The following ART3 variants were observed in gnomAD, a reference collection of about 807,000 sequenced individuals.
ART3 encodes ADP-ribosyltransferase 3 (inactive), also known as ecto-ADP-ribosyltransferase 3.
A neutral mutation model predicts 48.5 loss-of-function variants in ART3; 49 were observed. The observed-to-expected ratio is 1.01, with a 90% CI of 0.80 to 1.28. The LOEUF (loss-of-function observed/expected upper bound fraction) is 1.28. Ranked by LOEUF, ART3 falls within the 50% of genes most tolerant of loss-of-function variation. ART3 has a pLI of 0.00. For synonymous variants in ART3, 145 were observed against 157.2 expected (o/e 0.92, Z 0.58); for missense variants, 438 against 454.3 (o/e 0.96, Z 0.33).
In ART3 at chr4:76,082,380, T is replaced by C. The variant is rs1722672107; in HGVS notation, c.626T>C (p.Val209Ala). 3 of 1,614,148 alleles carry C rather than the reference T, an allele frequency of 1.9e-6. No homozygotes were observed. The highest frequency in any genetic ancestry group is 1.3e-5 in the African/African-American group (1 of 75,036). ...TTATCCATCTACACATGCCTTGGAG[T>C]TGACATTGAAAATTTTCTTGATAAA... ...TVLSIYTCLG[V>A]DIENFLDKES... The change falls in exon 3 of 12, where the codon GTT becomes GCT. Residue 209 changes from valine (V) to alanine (A), a missense_variant. Transcript: ENST00000355810.
intron 3 of ART3, among the ~76,000 whole-genome samples, chr4:76,088,384 C>A (rs1724080628): frequency 6.6e-6 from 1 of 151,802 alleles, no homozygotes; most frequent in South Asian, 2.1e-4. Flanking sequence ...TGTTCCCTGG[C>A]TGGAAAGTAG....
chr4:76,067,873 G>C (rs1366915146), intron 1 of ART3, among the ~76,000 whole-genome samples: 1 of 152,150 alleles, frequency 6.6e-6, no homozygotes, highest in African/African-American at 2.4e-5. Context: ...CCTTCCCCGA[G>C]GTATCTGATC....
chr4:76,074,998 T>C (rs1720755940), intron 1 of ART3, among the ~76,000 whole-genome samples, 179 bp downstream of exon 1: 1 of 152,210 alleles, frequency 6.6e-6, no homozygotes, highest in Non-Finnish European at 1.5e-5. Flanking sequence ...TATTTTAGTA[T>C]TTTTAGTAAA....
intron 1 of ART3, among the ~76,000 whole-genome samples, chr4:76,039,051 C>T (rs560721217): frequency 7.4e-4 from 113 of 151,848 alleles, no homozygotes; most frequent in African/African-American, 2.3e-3. Context: ...AACAAGTTAC[C>T]TCAACTTTTT....
intron 1 of ART3, among the ~76,000 whole-genome samples, chr4:76,065,666 A>G (rs1208059867): frequency 6.6e-6 from 1 of 152,006 alleles, no homozygotes; most frequent in East Asian, 1.9e-4. Flanking sequence ...GTTGAGAATT[A>G]AAGCCTAGAG....
chr4:76,035,103 T>A, intron 1 of ART3: 1 of 1,612,446 alleles, frequency 6.2e-7, no homozygotes, highest in Non-Finnish European at 8.5e-7. Flanking sequence ...TGTCCTTTAT[T>A]TTCTTTCAGG....
At chr4:76,078,190 T>A (rs1483980650) in intron 2 of ART3, among the ~76,000 whole-genome samples, 1 of 152,178 alleles carries the variant, frequency 6.6e-6, no homozygotes, top group Non-Finnish European at 1.5e-5. Context: ...GTGGCATTTA[T>A]GAACTTTGTC....
chr4:76,075,538 G>A (rs144663829), intron 1 of ART3, among the ~76,000 whole-genome samples: 38 of 152,282 alleles, frequency 2.5e-4, no homozygotes, highest in Non-Finnish European at 4.7e-4. Context: ...TCCTGTGCAC[G>A]CTGAGGGGAG....
intron 1 of ART3, chr4:76,035,966 T>C: frequency 6.2e-7 from 1 of 1,614,034 alleles, no homozygotes; most frequent in Non-Finnish European, 8.5e-7. Context: ...GCCAAGGCTA[T>C]AGCCATGCCC....
intron 2 of ART3, among the ~76,000 whole-genome samples, chr4:76,079,280 T>C (rs1448658063): frequency 6.6e-6 from 1 of 152,094 alleles, no homozygotes; most frequent in Non-Finnish European, 1.5e-5. Context: ...GAGATGTTTG[T>C]TAAACTTAGT....
At position 76,022,850 on chromosome 4, in the gene ART3, G is replaced by A. The variant is rs748693711; in HGVS notation, c.-10+11530G>A. On this transcript the variant is annotated intron_variant, in intron 1 of 9. Transcript: ENST00000341029. ...AAAAGAGGAACAGCAGAGAAGGTTA[G>A]CACAGTGTTCATTTTAGGCATTTAA... 5.0e-6 allele frequency: 8 copies of A among 1,589,332 alleles called. No homozygotes were observed. In the East Asian group the frequency reaches 1.8e-4, roughly 36 times the overall value.
intron 1 of ART3, among the ~76,000 whole-genome samples, chr4:76,027,400 G>C (rs1418106936): frequency 1.3e-5 from 2 of 152,232 alleles, no homozygotes; most frequent in Non-Finnish European, 2.9e-5. Flanking sequence ...CCTCAGATGA[G>C]CCATAAAGTG....
At chr4:76,087,439 G>A (rs556288003) in intron 3 of ART3, among the ~76,000 whole-genome samples, 47 of 152,310 alleles carry the variant, frequency 3.1e-4, no homozygotes, top group African/African-American at 1.1e-3. Context: ...GTTTGAAACA[G>A]TGTGAAGAAC....
chr4:76,082,612 G>T (rs1022426888), intron 3 of ART3, 77 bp downstream of exon 3: 1 of 1,231,548 alleles, frequency 8.1e-7, no homozygotes, highest in African/African-American at 1.5e-5. Context: ...GTCAGTGAAA[G>T]GAGAGTGAGA....
chr4:76,078,373 T>C (rs1721605778), intron 2 of ART3, among the ~76,000 whole-genome samples: 1 of 152,148 alleles, frequency 6.6e-6, no homozygotes, highest in South Asian at 2.1e-4. Context: ...GTTTTCAGGG[T>C]CTGGTGTCTT....
chr4:76,052,553 A>G lies in ART3; in HGVS notation c.-9-23328A>G, dbSNP rs183711151. On this transcript the variant is annotated intron_variant, in intron 1 of 9. Transcript: ENST00000341029. The stretch of plus-strand genomic sequence containing the variant: ...TAGGGCTTTTAGTGTATCCATCACC[A>G]GAATAATGTACATGGTACCCATTAA... Among the ~76,000 whole-genome samples the G allele has an allele frequency of 8.5e-5, 13 of 152,248 alleles. No homozygotes were observed. In the East Asian group the frequency reaches 1.7e-3, roughly 20 times the overall value.
intron 11 of ART3, among the ~76,000 whole-genome samples, chr4:76,110,363 G>A (rs1400495167): frequency 6.6e-6 from 1 of 152,160 alleles, no homozygotes; most frequent in Non-Finnish European, 1.5e-5. Flanking sequence ...TACTGTGTAT[G>A]CTATTTTATT....
rs182624682 is a variant in ART3 at position 76,020,805 on chromosome 4, G to A, written c.-10+9485G>A. Among the ~76,000 whole-genome samples the A allele has an allele frequency of 1.6e-3, 236 of 152,200 alleles. 1 individual carries two copies. Among genetic ancestry groups the A allele is most frequent in the East Asian group, 3.5e-3 (18 of 5,186 alleles). On this transcript the variant is annotated intron_variant, in intron 1 of 9. Transcript: ENST00000341029. Reference sequence around the variant, plus strand: ...GGAGTTCGAGGCTGCAGTGAGCTATGATTGCACCACTGCACTCCGGCTTGG... The same window carrying A: ...GGAGTTCGAGGCTGCAGTGAGCTATAATTGCACCACTGCACTCCGGCTTGG...
intron 2 of ART3, among the ~76,000 whole-genome samples, chr4:76,079,441 C>G (rs1258828382): frequency 6.6e-6 from 1 of 152,114 alleles, no homozygotes; most frequent in African/African-American, 2.4e-5. Flanking sequence ...TTTGAACATT[C>G]AAGTGGAGGT....
Sources: gnomAD v4.1 joint callset for allele counts (sites outside exome capture counted in the v4.1 genomes callset) on GRCh38, gnomAD v4.1.1 for gene constraint, MANE v1.5 for transcripts, NCBI Gene and HGNC (gene_info 2026-07-23, HGNC 2026-07-21) for gene names.